CDH13: variants seen among roughly 807,000 people sequenced by gnomAD.
The protein encoded by CDH13 is cadherin-13.
A neutral mutation model predicts 63.8 loss-of-function variants in CDH13; 24 were observed. That is an observed-to-expected ratio of 0.38 (90% CI 0.27 to 0.53). CDH13 has a LOEUF of 0.53. Ranked by LOEUF, CDH13 falls within the 20% of genes least tolerant of loss-of-function variation. The pLI is 0.85. For synonymous variants in CDH13, 503 were observed against 355.3 expected, an observed-to-expected ratio of 1.42 and a Z score of -4.67; for missense variants, 1,049 against 903.1, an observed-to-expected ratio of 1.16 and a Z score of -2.07.
At chr16:83,168,325 A>G (rs1390928871) in intron 4 of CDH13, among the ~76,000 whole-genome samples, 1 of 152,100 alleles carries the variant, frequency 6.6e-6, no homozygotes, top group Non-Finnish European at 1.5e-5. Context: ...TATATAATAT[A>G]GATATTTACA....
chr16:83,128,259 C>A (rs1467996792), intron 4 of CDH13, among the ~76,000 whole-genome samples: 1 of 152,138 alleles, frequency 6.6e-6, no homozygotes, highest in African/African-American at 2.4e-5. Context: ...AGGTGGAGGA[C>A]TGCCGGTCTT....
rs188635476 is a variant in CDH13 at position 82,810,121 on chromosome 16, T to C, written c.46-48241T>C. Among the ~76,000 whole-genome samples, 485 of 152,302 alleles carry C rather than the reference T, an allele frequency of 3.2e-3. 1 individual carries two copies. Among genetic ancestry groups the C allele is most frequent in the African/African-American group, 0.011 (464 of 41,558 alleles). Reference sequence around the variant, plus strand: ...CCATCATTGATCGAAGTAAGAAACCTTTTCTGCTTCAAGGTAAGGACATGG... The same window carrying C: ...CCATCATTGATCGAAGTAAGAAACCCTTTCTGCTTCAAGGTAAGGACATGG... On this transcript the variant is annotated intron_variant, in intron 1 of 13. Coordinates refer to ENST00000567109, the MANE Select transcript of CDH13 (RefSeq NM_001257.5).
intron 7 of CDH13, among the ~76,000 whole-genome samples, chr16:83,521,185 T>G (rs1388351237): frequency 6.6e-6 from 1 of 152,236 alleles, no homozygotes; most frequent in South Asian, 2.1e-4. Context: ...AATTATTGCA[T>G]GTACTGCCTT....
chr16:83,032,324 T>G, intron 3 of CDH13, 106 bp downstream of exon 3: 1 of 815,640 alleles, frequency 1.2e-6, no homozygotes, highest in Middle Eastern at 2.5e-4. Flanking sequence ...AAGATTCCTT[T>G]TGTTATTGTT....
intron 6 of CDH13, among the ~76,000 whole-genome samples, 170 bp downstream of exon 6, chr16:83,345,176 T>C (rs1280775330): frequency 5.3e-5 from 8 of 152,234 alleles, no homozygotes; most frequent in African/African-American, 1.9e-4. Flanking sequence ...GTGCAAAGCT[T>C]GACCGAGGTG....
intron 6 of CDH13, among the ~76,000 whole-genome samples, chr16:83,477,061 C>T (rs1304018776): frequency 1.3e-5 from 2 of 152,156 alleles, no homozygotes; most frequent in Non-Finnish European, 2.9e-5. Flanking sequence ...GGCCATGTGT[C>T]ACCTAATATG....
At chr16:82,663,748 C>T (rs1285462945) in intron 1 of CDH13, among the ~76,000 whole-genome samples, 2 of 152,164 alleles carry the variant, frequency 1.3e-5, no homozygotes, top group Admixed American at 1.3e-4. Context: ...TTTCTAGGTC[C>T]AGCCAAAGAG....
At chr16:83,206,438 A>G (rs2039183279) in intron 4 of CDH13, among the ~76,000 whole-genome samples, 1 of 152,190 alleles carries the variant, frequency 6.6e-6, no homozygotes, top group Non-Finnish European at 1.5e-5. Flanking sequence ...ACGTGCTGCA[A>G]TGGCAGATCC....
rs537286421 is a variant in CDH13, at chr16:82,804,598, G to A, written c.46-53764G>A. Among the ~76,000 whole-genome samples, 6 of 152,220 alleles carry A rather than the reference G, an allele frequency of 3.9e-5. No individual in the cohort carries two copies. In the East Asian group the frequency reaches 7.7e-4, roughly 20 times the overall value. ...TCATTTTCCCCATATGAAAAATAGTGGATTTAATATATGCCTTATCACATC... is the reference window on the plus strand; with the variant it reads ...TCATTTTCCCCATATGAAAAATAGTAGATTTAATATATGCCTTATCACATC... On this transcript the variant is annotated intron_variant, in intron 1 of 13. Coordinates refer to ENST00000567109, the MANE Select transcript of CDH13 (RefSeq NM_001257.5).
At chr16:83,593,261 T>G (rs12595919) in intron 7 of CDH13, among the ~76,000 whole-genome samples, 65,105 of 152,090 alleles carry the variant, frequency 0.43, 16,038 homozygotes, top group East Asian at 0.64. Context: ...CTCATGTTAA[T>G]GTTTCTCATT....
At chr16:82,762,233 TTC>T (rs2034882313) in intron 1 of CDH13, among the ~76,000 whole-genome samples, 1 of 152,200 alleles carries the variant, frequency 6.6e-6, no homozygotes, top group Non-Finnish European at 1.5e-5. Flanking sequence ...ATTACTAAGA[TTC>T]TCTTTCTGCT....
chr16:82,659,545 A>G (rs1374920235), intron 1 of CDH13, among the ~76,000 whole-genome samples: 1 of 152,230 alleles, frequency 6.6e-6, no homozygotes, highest in Non-Finnish European at 1.5e-5. Flanking sequence ...ATATACTCAA[A>G]CATGTATAAT....
chr16:83,255,053 T>A lies in CDH13; in HGVS notation c.636+37556T>A, dbSNP rs142727656. Among the ~76,000 whole-genome samples, 50 of 136,730 alleles carry A rather than the reference T, an allele frequency of 3.7e-4. No individual in the cohort carries two copies. The East Asian group carries it at 0.01, about 28-fold the overall frequency. 89.7% of individuals were successfully genotyped at this position (136,730 alleles called of 152,430 possible). A position where few individuals can be genotyped will look rare whatever the true frequency, so the allele number is the denominator to read the frequency against. ...AGTGCTCCTCATGCATTTTGAAGCT[T>A]CTTTGCCCAAGGTGTCTGTGACAGA... On this transcript the variant is annotated intron_variant, in intron 5 of 13. Transcript: ENST00000567109.
chr16:83,760,816 C>T (rs1913905672), intron 11 of CDH13, among the ~76,000 whole-genome samples: 1 of 152,190 alleles, frequency 6.6e-6, no homozygotes, highest in Non-Finnish European at 1.5e-5. Context: ...GAGCACGTAG[C>T]TAGTCCTGTA....
chr16:83,399,611 G>T (rs1279077543), intron 6 of CDH13, among the ~76,000 whole-genome samples: 1 of 152,142 alleles, frequency 6.6e-6, no homozygotes, highest in Non-Finnish European at 1.5e-5. Context: ...CTCGTAACCA[G>T]TAGAATGATG....
chr16:82,821,267 A>G (rs2037990059), intron 1 of CDH13, among the ~76,000 whole-genome samples: 1 of 151,942 alleles, frequency 6.6e-6, no homozygotes, highest in South Asian at 2.1e-4. Context: ...AATTTGGAAC[A>G]TTAATGACTG....
intron 3 of CDH13, among the ~76,000 whole-genome samples, chr16:83,084,422 C>T (rs989730705): frequency 1.4e-4 from 21 of 152,206 alleles, no homozygotes; most frequent in African/African-American, 4.3e-4. Context: ...TACTGTGTGA[C>T]CTCCTATTGT....
intron 6 of CDH13, among the ~76,000 whole-genome samples, chr16:83,377,272 G>A (rs564292440): frequency 4.6e-5 from 7 of 152,270 alleles, no homozygotes; most frequent in Admixed American, 3.3e-4. Context: ...CCAATGGCAA[G>A]CACCACTGAA....
At chr16:83,243,848 C>G (rs1904718009) in intron 5 of CDH13, among the ~76,000 whole-genome samples, 1 of 152,142 alleles carries the variant, frequency 6.6e-6, no homozygotes, top group Non-Finnish European at 1.5e-5. Context: ...AATGGGCAAC[C>G]TATTGAACAC....
Sources: gnomAD v4.1 joint callset for allele counts (sites outside exome capture counted in the v4.1 genomes callset) on GRCh38, gnomAD v4.1.1 for gene constraint, MANE v1.5 for transcripts, NCBI Gene and HGNC (gene_info 2026-07-23, HGNC 2026-07-21) for gene names.